The following DMD variants were observed in gnomAD, a reference collection of about 807,000 sequenced individuals.
DMD encodes the protein mutant dystrophin.
In DMD, 63 loss-of-function variants were observed where a neutral mutation model predicts 330.1. The ratio of observed to expected loss-of-function variants is 0.19; its 90% CI spans 0.16 to 0.24. The LOEUF is 0.24. Ranked by LOEUF, DMD falls within the 10% of genes least tolerant of loss-of-function variation. DMD has a pLI of 1.00. For synonymous variants in DMD, 1,223 were observed against 959.8 expected (o/e 1.27, Z -5.07); for missense variants, 3,344 against 2,684.1 (o/e 1.25, Z -5.43).
rs1012009729 is a variant in DMD at position 31,782,790 on chromosome X, C to T, written c.7310-8598G>A. Among the ~76,000 whole-genome samples, 7 of 111,161 alleles carry T rather than the reference C, an allele frequency of 6.3e-5. No homozygotes were observed. In the East Asian group the frequency reaches 1.7e-3, roughly 27 times the overall value. ...GCAGAGAGAACACAGCTGGAAAAGA[C>T]GGAGTCTTTAAGTTAAAATGTGGAA... On this transcript the variant is annotated intron_variant, in intron 50 of 78. Transcript: ENST00000357033.
intron 59 of DMD, among the ~76,000 whole-genome samples, chrX:31,461,673 G>A (rs917954409): frequency 9.0e-6 from 1 of 111,207 alleles, no homozygotes; most frequent in Non-Finnish European, 1.9e-5. Flanking sequence ...TGGTAGGGTG[G>A]AGGGTAGGTG....
intron 44 of DMD, among the ~76,000 whole-genome samples, chrX:32,004,143 C>G (rs1366961142): frequency 9.0e-6 from 1 of 111,290 alleles, no homozygotes; most frequent in Non-Finnish European, 1.9e-5. Flanking sequence ...TTTAAGGTCA[C>G]ACACCTAGTT....
chrX:32,437,286 T>C (rs2098265100), intron 29 of DMD, among the ~76,000 whole-genome samples: 1 of 112,153 alleles, frequency 8.9e-6, no homozygotes, highest in African/African-American at 3.2e-5. Context: ...GAGGTGCTGC[T>C]GGTACATTTG....
intron 2 of DMD, among the ~76,000 whole-genome samples, chrX:32,869,892 T>C (rs1044240057): frequency 3.7e-5 from 4 of 107,434 alleles, no homozygotes; most frequent in Non-Finnish European, 7.7e-5. Flanking sequence ...GACAAACCCT[T>C]GAAAACCAGC....
chrX:33,184,846 C>A (rs753051410), intron 1 of DMD, among the ~76,000 whole-genome samples: 5 of 107,454 alleles, frequency 4.7e-5, no homozygotes, highest in African/African-American at 1.7e-4. Flanking sequence ...GCCTCAGCCT[C>A]CTGAGTAGCT....
At chrX:33,040,388 C>T (rs1421709261) in intron 1 of DMD, among the ~76,000 whole-genome samples, 1 of 111,090 alleles carries the variant, frequency 9.0e-6, no homozygotes, top group Non-Finnish European at 1.9e-5. Context: ...TCAAGATACC[C>T]TCTTTGGAAG....
chrX:33,090,103 AT>A (rs1490657679), intron 1 of DMD, among the ~76,000 whole-genome samples: 1 of 111,379 alleles, frequency 9.0e-6, no homozygotes, highest in Non-Finnish European at 1.9e-5. Context: ...AAATATGTTT[AT>A]TAAAGGAAAT....
intron 7 of DMD, among the ~76,000 whole-genome samples, chrX:32,744,684 T>A (rs1479834080): frequency 1.8e-5 from 2 of 111,722 alleles, no homozygotes; most frequent in Admixed American, 9.6e-5. Flanking sequence ...CTCCCTATCC[T>A]GTCATATCTA....
chrX:32,995,508 G>A (rs1324747352), intron 2 of DMD, among the ~76,000 whole-genome samples: 4 of 111,924 alleles, frequency 3.6e-5, no homozygotes, highest in Non-Finnish European at 7.5e-5. Flanking sequence ...GAAACAAGAT[G>A]AGTGTTCTTG....
At chrX:33,208,616 C>A (rs2051712357) in intron 1 of DMD, among the ~76,000 whole-genome samples, 1 of 110,696 alleles carries the variant, frequency 9.0e-6, no homozygotes, top group Admixed American at 9.7e-5. Flanking sequence ...AGAAAATTAT[C>A]TTTAAAGAAA....
chrX:32,640,431 A>G (rs2059377500), intron 11 of DMD, among the ~76,000 whole-genome samples: 1 of 110,078 alleles, frequency 9.1e-6, no homozygotes, highest in Admixed American at 9.9e-5. Flanking sequence ...ACTGGAGAGG[A>G]TTTTATGTAA....
chrX:32,249,161 C>T lies in DMD; in HGVS notation c.6291-32098G>A, dbSNP rs182880779. On this transcript the variant is annotated intron_variant, in intron 43 of 78. Coordinates refer to ENST00000357033, the MANE Select transcript of DMD (RefSeq NM_004006.3). ...CATGTATGTATAAACATTTGCTGAACCTATTTTGGTTATGCATTAAATAAT... is the reference window on the plus strand; with the variant it reads ...CATGTATGTATAAACATTTGCTGAATCTATTTTGGTTATGCATTAAATAAT... 2.7e-5 allele frequency among the ~76,000 whole-genome samples: 3 copies of T among 111,614 alleles called. No individual in the cohort carries two copies. In the East Asian group the frequency reaches 8.5e-4, roughly 31 times the overall value.
At chrX:33,124,476 G>GAAAAAAA (rs56147804) in intron 1 of DMD, among the ~76,000 whole-genome samples, 4 of 16,128 alleles carry the variant, frequency 2.5e-4, no homozygotes, top group African/African-American at 1.1e-3. Flanking sequence ...GACTCTGTCT[G>GAAAAAAA]AAAAAAAAAA....
At chrX:33,329,293 T>G (rs925135483) in intron 1 of DMD, among the ~76,000 whole-genome samples, 1 of 105,578 alleles carries the variant, frequency 9.5e-6, no homozygotes, top group African/African-American at 3.3e-5. Flanking sequence ...AGCATTGACA[T>G]GTCCAGAACT....
At chrX:31,846,961 T>C (rs1421816987) in intron 48 of DMD, among the ~76,000 whole-genome samples, 2 of 111,761 alleles carry the variant, frequency 1.8e-5, no homozygotes, top group East Asian at 5.6e-4. Context: ...AAGTATTACT[T>C]AGAGCTCCAA....
chrX:31,658,735 T>TAC (rs950252621), intron 53 of DMD, among the ~76,000 whole-genome samples: 2 of 112,496 alleles, frequency 1.8e-5, no homozygotes, highest in South Asian at 3.6e-4. Context: ...CCAAATCACC[T>TAC]ACATTTTCTT....
At chrX:32,556,173 CAAAAG>C (rs907289857) in intron 16 of DMD, among the ~76,000 whole-genome samples, 1 of 112,191 alleles carries the variant, frequency 8.9e-6, no homozygotes, top group African/African-American at 3.2e-5. Flanking sequence ...AAACACTTCT[CAAAAG>C]AAGACATACA....
Position 31,711,956 on chromosome X carries a change from T to C in DMD, c.7660+17675A>G, listed in dbSNP as rs779464931. ...TGGGGACTACACATACTTATACATA[T>C]ATAGTATATACATATACTATAACGG... is the stretch of plus-strand genomic sequence containing the variant. On this transcript the variant is annotated intron_variant, in intron 52 of 78. Coordinates refer to ENST00000357033, the MANE Select transcript of DMD (RefSeq NM_004006.3). Among the ~76,000 whole-genome samples the C allele has an allele frequency of 9.0e-5, 10 of 111,206 alleles. No homozygotes were observed. In the South Asian group the frequency reaches 3.0e-3, roughly 33 times the overall value.
At chrX:31,703,415 G>A (rs1345549814) in intron 52 of DMD, among the ~76,000 whole-genome samples, 2 of 111,825 alleles carry the variant, frequency 1.8e-5, no homozygotes, top group East Asian at 5.7e-4. Flanking sequence ...CTTTCTCTCT[G>A]CCTACAATGC....
Sources: gnomAD v4.1 joint callset for allele counts (sites outside exome capture counted in the v4.1 genomes callset) on GRCh38, gnomAD v4.1.1 for gene constraint, MANE v1.5 for transcripts, NCBI Gene and HGNC (gene_info 2026-07-23, HGNC 2026-07-21) for gene names.